CACNA1I: variants seen among roughly 807,000 people sequenced by gnomAD.
CACNA1I encodes the protein calcium voltage-gated channel subunit alpha1 I, also known as voltage-dependent T-type calcium channel subunit alpha-1I.
A neutral mutation model predicts 201.6 loss-of-function variants in CACNA1I; 74 were observed. The observed-to-expected ratio is 0.37, with a 90% CI of 0.30 to 0.45. CACNA1I has a LOEUF of 0.45. Ranked by LOEUF, CACNA1I falls within the 20% of genes least tolerant of loss-of-function variation. The pLI is 1.00. For synonymous variants in CACNA1I, 1,431 were observed against 1,345.2 expected, an observed-to-expected ratio of 1.06 and a Z score of -1.40; for missense variants, 2,346 against 3,138.1, an observed-to-expected ratio of 0.75 and a Z score of 6.03.
At chr22:39,668,409 C>T (rs770828824) in intron 24 of CACNA1I, 28 bp downstream of exon 24, 4 of 1,465,364 alleles carry the variant, frequency 2.7e-6, no homozygotes, top group Non-Finnish European at 3.8e-6. Context: ...CAGGCCAAGC[C>T]TTGATGCAGG....
rs1466808656 is a variant in CACNA1I, at chr22:39,629,536, C to T, written c.581-5029C>T. ...ATCACAATGATGAATGTATGACGGC[C>T]AGGCAGGGCCAGGCAGGACGGAGAG... On this transcript the variant is annotated intron_variant, in intron 4 of 36. Coordinates refer to ENST00000402142, the MANE Select transcript of CACNA1I (RefSeq NM_021096.4). This position sits in a 1 kb window ranked among gnomAD's most constrained non-coding sequence, Gnocchi z 4.8. Among the ~76,000 whole-genome samples the T allele has an allele frequency of 6.6e-6, 1 of 152,084 alleles. No individual in the cohort carries two copies. The highest frequency in any genetic ancestry group is 1.5e-5 in the Non-Finnish European group (1 of 68,020).
intron 4 of CACNA1I, among the ~76,000 whole-genome samples, chr22:39,633,768 C>A (rs1005073267): frequency 2.0e-5 from 3 of 152,160 alleles, no homozygotes; most frequent in Admixed American, 2.0e-4. Context: ...GGTGTGTACT[C>A]AAAGGTGCCC....
chr22:39,595,704 T>A (rs1444258264), intron 1 of CACNA1I, among the ~76,000 whole-genome samples: 1 of 152,216 alleles, frequency 6.6e-6, no homozygotes, highest in East Asian at 1.9e-4. Context: ...TCTTTCTCTC[T>A]CTCAGAATCT....
At chr22:39,641,592 G>A (rs1467732611) in intron 6 of CACNA1I, among the ~76,000 whole-genome samples, 3 of 152,188 alleles carry the variant, frequency 2.0e-5, no homozygotes, top group Non-Finnish European at 1.5e-5. Context: ...ATTCCTGGTG[G>A]GGACAGCCTG....
intron 7 of CACNA1I, among the ~76,000 whole-genome samples, chr22:39,644,583 A>T (rs1934430581): frequency 6.6e-6 from 1 of 152,130 alleles, no homozygotes; most frequent in African/African-American, 2.4e-5. Flanking sequence ...CTGCTATGTC[A>T]CCTGCAGGGT....
At chr22:39,620,231 C>G (rs978870086) in intron 4 of CACNA1I, among the ~76,000 whole-genome samples, 2 of 151,000 alleles carry the variant, frequency 1.3e-5, no homozygotes, top group Non-Finnish European at 2.9e-5. Context: ...GTCCACCCAT[C>G]CACCTGTCCA....
intron 1 of CACNA1I, among the ~76,000 whole-genome samples, chr22:39,592,815 C>A (rs941016125): frequency 6.6e-6 from 1 of 152,226 alleles, no homozygotes. Context: ...CATGAGGCGT[C>A]AGGCCAGGCT....
At chr22:39,638,871 C>T (rs946643496) in intron 5 of CACNA1I, among the ~76,000 whole-genome samples, 1 of 152,166 alleles carries the variant, frequency 6.6e-6, no homozygotes, top group African/African-American at 2.4e-5. Context: ...ATAAGGAGTG[C>T]ACAACCTAGA....
At chr22:39,608,791 G>A (rs758481391) in intron 3 of CACNA1I, among the ~76,000 whole-genome samples, 3 of 152,044 alleles carry the variant, frequency 2.0e-5, no homozygotes, top group Non-Finnish European at 4.4e-5. Context: ...CTACACTGCA[G>A]CCTGGGTGAC....
chr22:39,607,180 G>C (rs1156977756), intron 3 of CACNA1I, among the ~76,000 whole-genome samples: 1 of 152,202 alleles, frequency 6.6e-6, no homozygotes, highest in Non-Finnish European at 1.5e-5. Flanking sequence ...TGAGTACAGA[G>C]AACAGGAGGC....
intron 31 of CACNA1I, among the ~76,000 whole-genome samples, chr22:39,678,483 C>T (rs972567403): frequency 6.6e-6 from 1 of 152,176 alleles, no homozygotes; most frequent in Admixed American, 6.5e-5. Flanking sequence ...GGCTGCAACC[C>T]GGGCTGGGCT....
At chr22:39,678,214 G>T (rs1181658499) in intron 31 of CACNA1I, 106 bp downstream of exon 31, 7 of 1,324,352 alleles carry the variant, frequency 5.3e-6, no homozygotes, top group Non-Finnish European at 7.3e-6. Flanking sequence ...CACCACACAT[G>T]GGAGGGGCAT....
chr22:39,626,955 C>T (rs968248421), intron 4 of CACNA1I, among the ~76,000 whole-genome samples: 1 of 152,196 alleles, frequency 6.6e-6, no homozygotes, highest in Non-Finnish European at 1.5e-5. Flanking sequence ...ATTGTGACAC[C>T]TACTTTCTAG....
At chr22:39,591,959 C>T (rs191901417) in intron 1 of CACNA1I, among the ~76,000 whole-genome samples, 4 of 152,360 alleles carry the variant, frequency 2.6e-5, no homozygotes, top group Admixed American at 6.5e-5. Flanking sequence ...GGCAGGCTGG[C>T]GCCTGGCACA....
chr22:39,634,435 T>A lies in CACNA1I; in HGVS notation c.581-130T>A, dbSNP rs373348046. ...TGTATCTGGCAGCCACTGAACAGGATGGGAACAGCAAGGAGCCCCTGATAA... is the reference window on the plus strand; with the variant it reads ...TGTATCTGGCAGCCACTGAACAGGAAGGGAACAGCAAGGAGCCCCTGATAA... On this transcript the variant is annotated intron_variant, in intron 4 of 36. Coordinates refer to ENST00000402142, the MANE Select transcript of CACNA1I (RefSeq NM_021096.4). 343 of 861,272 alleles carry A rather than the reference T, an allele frequency of 4.0e-4. 5 individuals are homozygous for A. The East Asian group carries it at 7.0e-3, about 18-fold the overall frequency. 53.4% of individuals were successfully genotyped at this position (861,272 alleles called of 1,614,324 possible). A position where few individuals can be genotyped will look rare whatever the true frequency, so the allele number is the denominator to read the frequency against.
chr22:39,586,365 G>A (rs1179740416), intron 1 of CACNA1I, among the ~76,000 whole-genome samples: 4 of 152,112 alleles, frequency 2.6e-5, no homozygotes, highest in African/African-American at 9.7e-5. Flanking sequence ...GGTGGCACAT[G>A]CCTGTAGTCC....
intron 31 of CACNA1I, 49 bp from the exon 32 acceptor site, chr22:39,679,058 C>T (rs1034248440): frequency 2.8e-6 from 4 of 1,439,378 alleles, no homozygotes; most frequent in Admixed American, 3.9e-5. Flanking sequence ...CCTCCAGCAG[C>T]CTCTGGGATG....
At chr22:39,632,114 T>C (rs559588580) in intron 4 of CACNA1I, among the ~76,000 whole-genome samples, 83 of 152,012 alleles carry the variant, frequency 5.5e-4, no homozygotes, top group African/African-American at 2.0e-3. Context: ...ACAAGGGAGA[T>C]GTAATTAATT....
At chr22:39,638,977 T>C (rs1047753713) in intron 5 of CACNA1I, among the ~76,000 whole-genome samples, 1 of 152,214 alleles carries the variant, frequency 6.6e-6, no homozygotes, top group African/African-American at 2.4e-5. Context: ...GCAGTAATGC[T>C]CCCTTGCTGG....
Sources: gnomAD v4.1 joint callset for allele counts (sites outside exome capture counted in the v4.1 genomes callset) on GRCh38, gnomAD v4.1.1 for gene constraint, Gnocchi (gnomAD v3.1) non-coding constraint, MANE v1.5 for transcripts, NCBI Gene and HGNC (gene_info 2026-07-23, HGNC 2026-07-21) for gene names.